Variants in PSMA6 observed in about 807,000 individuals in gnomAD.
PSMA6 encodes proteasome 20S subunit alpha 6, also known as proteasome subunit alpha type-6.
For synonymous variants in PSMA6, 88 were observed against 97.7 expected, an observed-to-expected ratio of 0.90 and a Z score of 0.59; for missense variants, 170 against 294.8, an observed-to-expected ratio of 0.58 and a Z score of 3.10.
chr14:35,314,280 A>T (rs946485637), intron 5 of PSMA6, 81 bp from the exon 6 acceptor site: 92 of 1,364,988 alleles, frequency 6.7e-5, no homozygotes, highest in Non-Finnish European at 1.5e-5. Flanking sequence ...TGATTGACTC[A>T]TGATTTGAAT....
intron 4 of PSMA6, among the ~76,000 whole-genome samples, chr14:35,312,214 A>G (rs1015871530): frequency 1.3e-5 from 2 of 151,572 alleles, no homozygotes; most frequent in Non-Finnish European, 2.9e-5. Flanking sequence ...AAAAAAAAAA[A>G]AAAAAAGGTT....
At chr14:35,292,335 G>C (rs1594376627), upstream of PSMA6, 1 of 1,502,830 alleles carries the variant, frequency 6.7e-7, no homozygotes, top group Non-Finnish European at 8.9e-7. Flanking sequence ...TGGCTCCAGA[G>C]CCGTGAGTTC....
upstream of PSMA6, among the ~76,000 whole-genome samples, chr14:35,291,021 T>C (rs1403808690): frequency 6.6e-6 from 1 of 151,870 alleles, no homozygotes; most frequent in Non-Finnish European, 1.5e-5. Context: ...TAGATAGATC[T>C]TCCTCTGTCG....
At chr14:35,308,219 C>G (rs1230551049) in intron 2 of PSMA6, 131 bp downstream of exon 2, 17 of 1,218,886 alleles carry the variant, frequency 1.4e-5, no homozygotes, top group Non-Finnish European at 1.9e-5. Flanking sequence ...ATCGGGAGTT[C>G]TAGACCAGCG....
chr14:35,279,874 C>T (rs1217278442), intron 1 of PSMA6, among the ~76,000 whole-genome samples: 1 of 152,196 alleles, frequency 6.6e-6, no homozygotes, highest in East Asian at 1.9e-4. Context: ...CCTGTAATCC[C>T]AGCACTTTGG....
upstream of PSMA6, among the ~76,000 whole-genome samples, chr14:35,290,471 G>A (rs2051465861): frequency 6.6e-6 from 1 of 152,166 alleles, no homozygotes; most frequent in Admixed American, 6.5e-5. Context: ...GATGCTGTAT[G>A]CATTTACCGT....
chr14:35,307,923 A>T, intron 1 of PSMA6, 71 bp from the exon 2 acceptor site: 2 of 1,415,194 alleles, frequency 1.4e-6, no homozygotes, highest in Admixed American at 3.6e-5. Flanking sequence ...ATTCTTTTTA[A>T]TGACTATTAT....
At chr14:35,280,393 T>G (rs2051353920) in intron 1 of PSMA6, among the ~76,000 whole-genome samples, 1 of 151,492 alleles carries the variant, frequency 6.6e-6, no homozygotes, top group Non-Finnish European at 1.5e-5. Context: ...TTTTTTTTCT[T>G]TTTCTTGAGA....
intron 1 of PSMA6, among the ~76,000 whole-genome samples, chr14:35,301,726 G>T (rs2051716685): frequency 6.6e-6 from 1 of 152,156 alleles, no homozygotes; most frequent in Admixed American, 6.6e-5. Context: ...CTGTTGAGAA[G>T]CATTTTTTAT....
intron 1 of PSMA6, 86 bp from the exon 2 acceptor site, chr14:35,307,906 CTT>C: frequency 7.9e-7 from 1 of 1,270,838 alleles, no homozygotes; most frequent in Non-Finnish European, 1.1e-6. Flanking sequence ...TCATGTAGCT[CTT>C]TCTCATTCTT....
intron 1 of PSMA6, among the ~76,000 whole-genome samples, chr14:35,301,703 A>G (rs1401945300): frequency 6.6e-6 from 1 of 152,202 alleles, no homozygotes; most frequent in Non-Finnish European, 1.5e-5. Flanking sequence ...TGGCAAATTC[A>G]CAGGTGCATT....
intron 1 of PSMA6, among the ~76,000 whole-genome samples, chr14:35,280,054 G>A (rs2051349147): frequency 6.6e-6 from 1 of 151,984 alleles, no homozygotes; most frequent in South Asian, 2.1e-4. Context: ...GAACCAGGGA[G>A]GCGGAGCTTG....
chr14:35,299,798 G>A (rs1229146501), intron 1 of PSMA6, among the ~76,000 whole-genome samples: 1 of 152,138 alleles, frequency 6.6e-6, no homozygotes, highest in Non-Finnish European at 1.5e-5. Flanking sequence ...AACATTTCAT[G>A]GTGGTAGTGT....
chr14:35,292,812 G>A (rs2051511614), intron 1 of PSMA6: 2 of 605,726 alleles, frequency 3.3e-6, no homozygotes, highest in East Asian at 3.1e-5. Context: ...AGATAGGGCT[G>A]TAATGCCTGA....
At chr14:35,310,697 C>G (rs777779739) in intron 3 of PSMA6, 43 bp from the exon 4 acceptor site, 3 of 1,604,578 alleles carry the variant, frequency 1.9e-6, no homozygotes. Flanking sequence ...CAGGTTTGTT[C>G]TTTCCTTCTA....
chr14:35,312,682 T>G, intron 4 of PSMA6, 199 bp from the exon 5 acceptor site: 1 of 475,112 alleles, frequency 2.1e-6, no homozygotes, highest in South Asian at 4.5e-5. Flanking sequence ...ATAAATCCTT[T>G]TGTGAAATGG....
intron 1 of PSMA6, among the ~76,000 whole-genome samples, chr14:35,285,988 C>G (rs1197809256): frequency 6.6e-6 from 1 of 152,224 alleles, no homozygotes; most frequent in East Asian, 1.9e-4. Flanking sequence ...AGGGATAGAT[C>G]AAAGCGAAAT....
chr14:35,311,252 TTG>T (rs2051939098), intron 4 of PSMA6, among the ~76,000 whole-genome samples: 1 of 152,224 alleles, frequency 6.6e-6, no homozygotes, highest in African/African-American at 2.4e-5. Flanking sequence ...ATGTAGCTGT[TTG>T]TTTTGACCAC....
intron 4 of PSMA6, among the ~76,000 whole-genome samples, chr14:35,312,219 A>AGG (rs1157359934): frequency 2.0e-5 from 3 of 149,504 alleles, no homozygotes; most frequent in African/African-American, 7.4e-5. Context: ...AAAAAAAAAA[A>AGG]AGGTTGGCCA....
Sources: gnomAD v4.1 joint callset for allele counts (sites outside exome capture counted in the v4.1 genomes callset) on GRCh38, gnomAD v4.1.1 for gene constraint, MANE v1.5 for transcripts, NCBI Gene and HGNC (gene_info 2026-07-23, HGNC 2026-07-21) for gene names.